FOXO1: variants seen among roughly 807,000 people sequenced by gnomAD.
FOXO1 encodes the protein forkhead box O1, also known as forkhead box protein O1.
In FOXO1, 6 loss-of-function variants were observed where a neutral mutation model predicts 44.1. The ratio of observed to expected loss-of-function variants is 0.14; its 90% CI spans 0.07 to 0.27. FOXO1 has a LOEUF of 0.27. FOXO1 is among the 10% of genes least tolerant of loss of function. The pLI, the probability that FOXO1 is intolerant of heterozygous loss-of-function variation, is 1.00. For missense variants in FOXO1, 737 were observed against 888.8 expected, an observed-to-expected ratio of 0.83 and a Z score of 2.17; for synonymous variants, 380 against 362.7, an observed-to-expected ratio of 1.05 and a Z score of -0.54.
intron 1 of FOXO1, among the ~76,000 whole-genome samples, chr13:40,657,319 CTTT>C (rs369503666): frequency 1.6e-5 from 2 of 127,788 alleles, no homozygotes; most frequent in Admixed American, 1.7e-4. Context: ...CCTTTTTTTT[CTTT>C]TTTTTTTTTT....
intron 1 of FOXO1, among the ~76,000 whole-genome samples, chr13:40,570,520 T>C (rs1874450343): frequency 6.6e-6 from 1 of 152,184 alleles, no homozygotes; most frequent in Non-Finnish European, 1.5e-5. Context: ...GTTTGTCTGA[T>C]CTTTATTAGC....
At chr13:40,595,872 TACAA>T (rs917014093) in intron 1 of FOXO1, among the ~76,000 whole-genome samples, 1 of 151,772 alleles carries the variant, frequency 6.6e-6, no homozygotes, top group African/African-American at 2.4e-5. Context: ...GACTGCTGGC[TACAA>T]ACAGTGACAT....
intron 1 of FOXO1, among the ~76,000 whole-genome samples, chr13:40,578,250 T>A (rs1314478814): frequency 6.6e-6 from 1 of 152,154 alleles, no homozygotes; most frequent in African/African-American, 2.4e-5. Flanking sequence ...CTTAAGTCCA[T>A]CCCTAAGCCA....
chr13:40,597,154 T>C (rs975757307), intron 1 of FOXO1, among the ~76,000 whole-genome samples: 1 of 151,946 alleles, frequency 6.6e-6, no homozygotes. Flanking sequence ...AACCGCTGTT[T>C]ACAGACAGTT....
intron 1 of FOXO1, chr13:40,619,549 T>A: frequency 7.2e-7 from 1 of 1,394,570 alleles, no homozygotes; most frequent in Non-Finnish European, 1.0e-6. Context: ...TCATGGAGAT[T>A]ATACAAACAT....
intron 1 of FOXO1, chr13:40,621,310 A>C: frequency 1.4e-6 from 1 of 697,934 alleles, no homozygotes; most frequent in Non-Finnish European, 2.2e-6. Context: ...CCGATCTGTC[A>C]GCAGCCTGTT....
intron 1 of FOXO1, among the ~76,000 whole-genome samples, chr13:40,571,278 G>A (rs1469597176): frequency 6.6e-6 from 1 of 152,050 alleles, no homozygotes. Flanking sequence ...TGTAAATGAC[G>A]AGTAAATGGG....
At chr13:40,564,018 A>G (rs1874157924) in intron 1 of FOXO1, among the ~76,000 whole-genome samples, 2 of 152,130 alleles carry the variant, frequency 1.3e-5, no homozygotes, top group South Asian at 4.1e-4. Flanking sequence ...TCTGGAGGAG[A>G]GGAAGCTTGA....
intron 1 of FOXO1, among the ~76,000 whole-genome samples, chr13:40,566,100 G>T (rs1008817724): frequency 3.3e-5 from 5 of 152,234 alleles, no homozygotes; most frequent in Non-Finnish European, 7.3e-5. Context: ...ATCACACATT[G>T]CTGGGGCCAG....
intron 1 of FOXO1, among the ~76,000 whole-genome samples, chr13:40,573,999 G>A (rs946781833): frequency 1.1e-4 from 17 of 152,160 alleles, no homozygotes; most frequent in African/African-American, 3.9e-4. Flanking sequence ...TGGAATTTTA[G>A]TCCTCATTGT....
In FOXO1 at chr13:40,665,974, C is replaced by G; in HGVS notation, c.239G>C (p.Ser80Thr). 1 of 1,236,334 alleles carries G rather than the reference C, an allele frequency of 8.1e-7. No homozygotes were observed. Among genetic ancestry groups the G allele is most frequent in the Non-Finnish European group, 1.0e-6 (1 of 992,834 alleles). 76.6% of individuals were successfully genotyped at this position (1,236,334 alleles called of 1,614,324 possible). ...GCCGGGCGCCTGCGGGAAGTCCTCGCTCTCCTCCAGCAAGCTCAGGTTGCT... is the reference window on the plus strand; with the variant it reads ...GCCGGGCGCCTGCGGGAAGTCCTCGGTCTCCTCCAGCAAGCTCAGGTTGCT... Reference protein sequence around the residue: ...FMSNLSLLEESEDFPQAPGSV... With the variant: ...FMSNLSLLEETEDFPQAPGSV... Residue 80 changes from serine (S) to threonine (T), a missense_variant, in exon 1 of 3, where the codon AGC (serine) becomes ACC (threonine). This residue lies in a region of FOXO1 where 213 missense variants were observed against 236.4 expected (regional missense o/e 0.90). Coordinates refer to ENST00000379561, the MANE Select transcript of FOXO1 (RefSeq NM_002015.4).
intron 1 of FOXO1, among the ~76,000 whole-genome samples, chr13:40,660,909 A>C (rs1354885292): frequency 6.6e-6 from 1 of 151,816 alleles, no homozygotes; most frequent in Non-Finnish European, 1.5e-5. Flanking sequence ...AAGCCACTAC[A>C]CTCCAGCCTG....
chr13:40,607,088 C>A (rs1470882878), intron 1 of FOXO1, among the ~76,000 whole-genome samples: 1 of 152,196 alleles, frequency 6.6e-6, no homozygotes, highest in African/African-American at 2.4e-5. Flanking sequence ...CTTCTCCCCA[C>A]TCCTCAATCA....
chr13:40,620,262 A>C, intron 1 of FOXO1: 1 of 1,362,860 alleles, frequency 7.3e-7, no homozygotes, highest in Non-Finnish European at 1.0e-6. Context: ...GAGAAAATAG[A>C]GATCAGGACA....
intron 1 of FOXO1, among the ~76,000 whole-genome samples, chr13:40,605,657 G>A (rs1206816017): frequency 2.0e-5 from 3 of 152,060 alleles, no homozygotes; most frequent in African/African-American, 4.8e-5. Flanking sequence ...CATCATAGGC[G>A]TGCACTCTGT....
chr13:40,589,665 A>G (rs1875297091), intron 1 of FOXO1, among the ~76,000 whole-genome samples: 1 of 152,270 alleles, frequency 6.6e-6, no homozygotes, highest in Admixed American at 6.5e-5. Context: ...ATAGATTAAC[A>G]GAATCCTTTG....
At chr13:40,617,048 G>C (rs1876448100) in intron 1 of FOXO1, among the ~76,000 whole-genome samples, 1 of 152,208 alleles carries the variant, frequency 6.6e-6, no homozygotes. Flanking sequence ...TAACTGAACA[G>C]ATATGTTTAA....
At chr13:40,577,211 A>G (rs914135504) in intron 1 of FOXO1, among the ~76,000 whole-genome samples, 3 of 111,528 alleles carry the variant, frequency 2.7e-5, no homozygotes, top group Non-Finnish European at 5.3e-5. Context: ...GCCCACATGC[A>G]TACTAGAAGA....
At chr13:40,647,122 A>ATTAG (rs1400247362) in intron 1 of FOXO1, among the ~76,000 whole-genome samples, 2 of 152,192 alleles carry the variant, frequency 1.3e-5, no homozygotes, top group Non-Finnish European at 2.9e-5. Flanking sequence ...CTGTACTAGG[A>ATTAG]TTAGGACTGC....
Sources: allele counts gnomAD v4.1 joint callset (sites outside exome capture counted in the v4.1 genomes callset), GRCh38; gene constraint gnomAD v4.1.1; regional missense constraint gnomAD v4.1.1; transcripts MANE v1.5; gene names NCBI Gene and HGNC (gene_info 2026-07-23, HGNC 2026-07-21).